PSPC1: variants seen among roughly 807,000 people sequenced by gnomAD.
PSPC1 encodes paraspeckle component 1.
A neutral mutation model predicts 51.6 loss-of-function variants in PSPC1; 14 were observed. The observed-to-expected ratio is 0.27, with a 90% CI of 0.18 to 0.42. The LOEUF (loss-of-function observed/expected upper bound fraction) is 0.42. PSPC1 is among the 10% of genes least tolerant of loss of function. The probability of loss-of-function intolerance (pLI) is 1.00; values close to 1 mark genes in which losing one functional copy is unlikely to be tolerated. For synonymous variants in PSPC1, 193 were observed against 231.9 expected (o/e 0.83, Z 1.53); for missense variants, 406 against 701.1 (o/e 0.58, Z 4.75).
At chr13:19,725,761 A>G (rs984746215) in intron 6 of PSPC1, among the ~76,000 whole-genome samples, 1 of 152,320 alleles carries the variant, frequency 6.6e-6, no homozygotes, top group East Asian at 1.9e-4. Flanking sequence ...GTTTGAGATA[A>G]TATGTCCTGC....
chr13:19,746,780 A>T (rs1281238438), intron 4 of PSPC1, among the ~76,000 whole-genome samples: 12 of 151,800 alleles, frequency 7.9e-5, no homozygotes, highest in Non-Finnish European at 1.2e-4. Context: ...TAAATCAAAC[A>T]ATTATTATTG....
At chr13:19,686,754 T>G (rs1252631316) in intron 6 of PSPC1, among the ~76,000 whole-genome samples, 1 of 152,204 alleles carries the variant, frequency 6.6e-6, no homozygotes, top group Non-Finnish European at 1.5e-5. Context: ...GTAATAAAGA[T>G]TATTTCTAGA....
chr13:19,779,310 G>A (rs1189807783), intron 1 of PSPC1, among the ~76,000 whole-genome samples: 3 of 97,816 alleles, frequency 3.1e-5, no homozygotes, highest in South Asian at 4.5e-4. Flanking sequence ...CCGGCCAGCC[G>A]CCCCATCCGG....
At chr13:19,671,779 T>C (rs2137549346), downstream of PSPC1, 4 of 1,565,768 alleles carry the variant, frequency 2.6e-6, no homozygotes, top group East Asian at 2.2e-5. Context: ...TTTTTTCTTG[T>C]AAGAAAGGGG....
chr13:19,758,971 AT>A (rs1450088478), intron 3 of PSPC1, among the ~76,000 whole-genome samples: 17 of 151,910 alleles, frequency 1.1e-4, no homozygotes, highest in Non-Finnish European at 1.2e-4. Context: ...AAAAATTAGT[AT>A]GTTTTACCCA....
intron 2 of PSPC1, among the ~76,000 whole-genome samples, chr13:19,765,544 G>C (rs1887996366): frequency 6.8e-6 from 1 of 147,794 alleles, no homozygotes; most frequent in Non-Finnish European, 1.5e-5. Context: ...ACGTTGCTCA[G>C]GCTAGTCTCG....
chr13:19,769,273 C>T (rs1888385373), intron 2 of PSPC1, among the ~76,000 whole-genome samples: 1 of 145,414 alleles, frequency 6.9e-6, no homozygotes, highest in South Asian at 2.1e-4. Context: ...CCCCGTCTAA[C>T]GGCCGGGCGC....
In PSPC1 at chr13:19,782,578, C is replaced by A. The variant is rs1413716702; in HGVS notation, c.180G>T (p.Glu60Asp). 6.2e-7 allele frequency: 1 copy of A among 1,603,852 alleles called. No homozygotes were observed. The highest frequency in any genetic ancestry group is 1.4e-5 in the African/African-American group (1 of 73,488). Residue 60 changes from glutamate to aspartate, a missense_variant, in exon 1 of 9, where the codon GAG (glutamate) becomes GAT (aspartate). By Grantham distance (45) the Glu-to-Asp change is conservative. Coordinates refer to ENST00000338910, the MANE Select transcript of PSPC1 (RefSeq NM_001354909.2). The surrounding 1 kb of genome is among the most constrained non-coding windows in gnomAD (Gnocchi z 4.5). ...PAPPEDHPDE[E>D]MGFTIDIKSF... ...TCTTGATGTCGATAGTGAACCCCATCTCCTCGTCCGGGTGGTCCTCTGGAG... is the reference window on the plus strand; with the variant it reads ...TCTTGATGTCGATAGTGAACCCCATATCCTCGTCCGGGTGGTCCTCTGGAG...
At chr13:19,695,308 G>C (rs1879071690) in intron 6 of PSPC1, among the ~76,000 whole-genome samples, 1 of 152,176 alleles carries the variant, frequency 6.6e-6, no homozygotes, top group Admixed American at 6.5e-5. Context: ...ACAAACAGCA[G>C]AACATAAGTT....
At chr13:19,771,838 G>C (rs1229670838) in intron 2 of PSPC1, among the ~76,000 whole-genome samples, 2 of 152,132 alleles carry the variant, frequency 1.3e-5, no homozygotes, top group African/African-American at 4.8e-5. Flanking sequence ...GGCCAGGCTG[G>C]TCATGAACTC....
downstream of PSPC1, chr13:19,671,997 G>A (rs1565946129): frequency 7.0e-6 from 7 of 993,490 alleles, no homozygotes; most frequent in East Asian, 1.8e-4. Context: ...TTGCAGTTAA[G>A]CCTGTTGTCT....
intron 3 of PSPC1, among the ~76,000 whole-genome samples, chr13:19,751,672 T>C (rs1209337153): frequency 6.6e-6 from 1 of 152,212 alleles, no homozygotes; most frequent in African/African-American, 2.4e-5. Flanking sequence ...AATTCAAACT[T>C]ACACAATCTG....
At chr13:19,780,747 CACT>C (rs1349336726) in intron 1 of PSPC1, among the ~76,000 whole-genome samples, 1 of 149,500 alleles carries the variant, frequency 6.7e-6, no homozygotes, top group Non-Finnish European at 1.5e-5. Flanking sequence ...ACCTTCCCTC[CACT>C]ATTGTCCCAT....
chr13:19,735,522 A>ATT (rs1884676636), intron 5 of PSPC1, among the ~76,000 whole-genome samples: 1 of 152,202 alleles, frequency 6.6e-6, no homozygotes, highest in African/African-American at 2.4e-5. Context: ...AAACTAAATA[A>ATT]TTTATTTATA....
intron 1 of PSPC1, among the ~76,000 whole-genome samples, chr13:19,778,404 TCTCCCC>T (rs2138369859): frequency 4.9e-5 from 1 of 20,238 alleles, no homozygotes; most frequent in South Asian, 2.5e-3. Context: ...TCCCTCTCCC[TCTCCCC>T]ACGGTCTCCC....
chr13:19,750,944 T>C (rs1884983931), intron 4 of PSPC1, among the ~76,000 whole-genome samples: 1 of 152,018 alleles, frequency 6.6e-6, no homozygotes, highest in African/African-American at 2.4e-5. Context: ...TAATTTTGTA[T>C]TTTTAGTAGA....
At chr13:19,673,054 C>CAA (rs752838814), downstream of PSPC1, 87 of 394,642 alleles carry the variant, frequency 2.2e-4, no homozygotes, top group Middle Eastern at 4.5e-4. Context: ...GACCTTGTCT[C>CAA]AAAAAAAAAA....
chr13:19,686,093 C>T (rs1363193906), intron 6 of PSPC1, among the ~76,000 whole-genome samples: 3 of 152,218 alleles, frequency 2.0e-5, no homozygotes, highest in Non-Finnish European at 4.4e-5. Context: ...CTCTCCTCCA[C>T]TCAATTCTCT....
chr13:19,689,160 A>G lies in PSPC1; in HGVS notation c.1159-11337T>C, dbSNP rs143634663. Among the ~76,000 whole-genome samples the G allele has an allele frequency of 5.3e-5, 8 of 152,316 alleles. No individual in the cohort carries two copies. In the East Asian group the frequency reaches 1.5e-3, roughly 29 times the overall value. ...AAGAGCACATCCAACCCAGAGAAGC[A>G]CTGAGGTCTGAAGGGTACAGTTCTG... On this transcript the variant is annotated intron_variant and NMD_transcript_variant, in intron 6 of 7. Transcript: ENST00000471658.
Sources: allele counts gnomAD v4.1 joint callset (sites outside exome capture counted in the v4.1 genomes callset), GRCh38; gene constraint gnomAD v4.1.1; non-coding constraint Gnocchi (gnomAD v3.1); transcripts MANE v1.5; gene names NCBI Gene and HGNC (gene_info 2026-07-23, HGNC 2026-07-21).